SPIDR: variants seen among roughly 807,000 people sequenced by gnomAD.
The protein encoded by SPIDR is scaffold protein involved in DNA repair, also known as DNA repair-scaffolding protein.
A neutral mutation model predicts 104.6 loss-of-function variants in SPIDR; 93 were observed. The ratio of observed to expected loss-of-function variants is 0.89; its 90% CI spans 0.75 to 1.06. The LOEUF is 1.06. Ranked by LOEUF, SPIDR falls within the 50% of genes least tolerant of loss-of-function variation. SPIDR has a pLI of 0.00. For missense variants in SPIDR, 1,154 were observed against 1,111.2 expected (o/e 1.04, Z -0.55); for synonymous variants, 431 against 416.9 (o/e 1.03, Z -0.41).
At chr8:47,387,524 T>A (rs541744029) in intron 5 of SPIDR, among the ~76,000 whole-genome samples, 113 of 152,276 alleles carry the variant, frequency 7.4e-4, no homozygotes, top group African/African-American at 2.4e-3. Context: ...TAAAACTTAG[T>A]CATGAATTGA....
chr8:47,683,350 G>A (rs2077328271), intron 11 of SPIDR, among the ~76,000 whole-genome samples: 1 of 152,184 alleles, frequency 6.6e-6, no homozygotes, highest in Non-Finnish European at 1.5e-5. Context: ...ACACTCCAGA[G>A]AGCAGCAGGT....
At chr8:47,333,609 A>G (rs1319674224) in intron 5 of SPIDR, among the ~76,000 whole-genome samples, 2 of 152,134 alleles carry the variant, frequency 1.3e-5, no homozygotes, top group African/African-American at 4.8e-5. Context: ...GCCATGGAAT[A>G]TACTTCAAAA....
chr8:47,473,333 A>G (rs1026168133), intron 8 of SPIDR, among the ~76,000 whole-genome samples: 1 of 152,138 alleles, frequency 6.6e-6, no homozygotes, highest in African/African-American at 2.4e-5. Flanking sequence ...TTTTCAACAT[A>G]ATCTATAAGC....
chr8:47,371,942 G>A (rs1400251519), intron 5 of SPIDR, among the ~76,000 whole-genome samples: 1 of 152,116 alleles, frequency 6.6e-6, no homozygotes, highest in Non-Finnish European at 1.5e-5. Flanking sequence ...CTCCAAACAT[G>A]GTGGACTATT....
intron 11 of SPIDR, among the ~76,000 whole-genome samples, chr8:47,692,949 G>A (rs2078875495): frequency 6.6e-6 from 1 of 152,194 alleles, no homozygotes; most frequent in Non-Finnish European, 1.5e-5. Flanking sequence ...GGAGATGAAT[G>A]GCTGGATTGC....
intron 8 of SPIDR, among the ~76,000 whole-genome samples, chr8:47,466,948 G>GATAGATAGATAT (rs1554717789): frequency 7.5e-6 from 1 of 133,462 alleles, no homozygotes; most frequent in Non-Finnish European, 1.6e-5. Context: ...TAGATAGATA[G>GATAGATAGATAT]ATATAAAAAA....
chr8:47,568,255 G>GT (rs2058127032), intron 8 of SPIDR, among the ~76,000 whole-genome samples: 1 of 152,046 alleles, frequency 6.6e-6, no homozygotes, highest in Non-Finnish European at 1.5e-5. Context: ...ATCTACCTCG[G>GT]TTTATCTGTA....
chr8:47,385,718 T>G (rs1554647787), intron 5 of SPIDR, among the ~76,000 whole-genome samples: 1 of 152,246 alleles, frequency 6.6e-6, no homozygotes, highest in African/African-American at 2.4e-5. Context: ...TGGGTTGGCT[T>G]CCCATTTCTT....
At chr8:47,670,237 G>A (rs2075615170) in intron 10 of SPIDR, among the ~76,000 whole-genome samples, 1 of 152,086 alleles carries the variant, frequency 6.6e-6, no homozygotes, top group African/African-American at 2.4e-5. Flanking sequence ...GTTATGGAAT[G>A]GAGAAGCAAG....
At chr8:47,436,836 G>C (rs1409626846) in intron 7 of SPIDR, among the ~76,000 whole-genome samples, 1 of 152,120 alleles carries the variant, frequency 6.6e-6, no homozygotes, top group Non-Finnish European at 1.5e-5. Flanking sequence ...CTCCTGGGAA[G>C]GAAGGCCCTG....
intron 8 of SPIDR, among the ~76,000 whole-genome samples, chr8:47,496,806 G>A (rs1479888147): frequency 1.5e-5 from 2 of 130,830 alleles, no homozygotes; most frequent in Non-Finnish European, 3.1e-5. Context: ...AACTATCTGG[G>A]CCTATGTTTG....
chr8:47,580,090 A>T (rs1055665810), intron 8 of SPIDR, among the ~76,000 whole-genome samples: 7 of 152,216 alleles, frequency 4.6e-5, no homozygotes, highest in Non-Finnish European at 1.5e-5. Flanking sequence ...ATAGCAAGTG[A>T]ATTAAAGCCA....
intron 8 of SPIDR, among the ~76,000 whole-genome samples, chr8:47,556,075 A>G (rs2091287727): frequency 6.6e-6 from 1 of 152,194 alleles, no homozygotes; most frequent in South Asian, 2.1e-4. Flanking sequence ...TGAAGGCCAT[A>G]CCAACTCCTG....
intron 5 of SPIDR, among the ~76,000 whole-genome samples, chr8:47,306,844 C>T (rs1340950735): frequency 1.3e-5 from 2 of 151,990 alleles, no homozygotes; most frequent in Admixed American, 1.3e-4. Context: ...TATATAATGT[C>T]CTTTGTCTCT....
intron 10 of SPIDR, among the ~76,000 whole-genome samples, chr8:47,655,075 C>T (rs1588879922): frequency 1.3e-5 from 2 of 152,174 alleles, no homozygotes; most frequent in Admixed American, 1.3e-4. Flanking sequence ...TTTATGGCTG[C>T]ATAGTGTTCC....
intron 10 of SPIDR, among the ~76,000 whole-genome samples, chr8:47,638,263 A>G (rs557209976): frequency 4.6e-5 from 7 of 152,282 alleles, no homozygotes; most frequent in Middle Eastern, 3.4e-3. Context: ...CAAGAATGGT[A>G]TTAGATACCA....
intron 5 of SPIDR, among the ~76,000 whole-genome samples, chr8:47,321,306 A>G (rs1411211977): frequency 4.9e-5 from 7 of 141,872 alleles, no homozygotes; most frequent in African/African-American, 9.8e-5. Flanking sequence ...AATAACAGAG[A>G]AAGAGAGAGC....
At chr8:47,350,580 C>T (rs1252000564) in intron 5 of SPIDR, among the ~76,000 whole-genome samples, 2 of 152,196 alleles carry the variant, frequency 1.3e-5, no homozygotes, top group Non-Finnish European at 2.9e-5. Flanking sequence ...TCCCAAAGTG[C>T]TGGGGTTACA....
intron 5 of SPIDR, among the ~76,000 whole-genome samples, chr8:47,381,681 T>C (rs1437417730): frequency 6.6e-6 from 1 of 152,176 alleles, no homozygotes; most frequent in Non-Finnish European, 1.5e-5. Context: ...AAACCAGCGA[T>C]TGGCAGGAAG....
Sources: allele counts gnomAD v4.1 joint callset (sites outside exome capture counted in the v4.1 genomes callset), GRCh38; gene constraint gnomAD v4.1.1; transcripts MANE v1.5; gene names NCBI Gene and HGNC (gene_info 2026-07-23, HGNC 2026-07-21).